CACNA1E: variants seen among roughly 807,000 people sequenced by gnomAD.
CACNA1E encodes calcium voltage-gated channel subunit alpha1 E.
A neutral mutation model predicts 259.2 loss-of-function variants in CACNA1E; 40 were observed. That is an observed-to-expected ratio of 0.15 (90% CI 0.12 to 0.20). The LOEUF (loss-of-function observed/expected upper bound fraction) is 0.20. Among genes scored for constraint, CACNA1E ranks in the 10% least tolerant of loss-of-function variants. CACNA1E has a pLI of 1.00. For synonymous variants in CACNA1E, 1,104 were observed against 1,138.5 expected (o/e 0.97, Z 0.61); for missense variants, 1,874 against 3,040.1 (o/e 0.62, Z 9.02).
At chr1:181,521,782 T>C (rs757201722) in intron 3 of CACNA1E, among the ~76,000 whole-genome samples, 11 of 152,132 alleles carry the variant, frequency 7.2e-5, no homozygotes, top group Non-Finnish European at 1.0e-4. Flanking sequence ...GAGTTATACT[T>C]AGCTAGGATG....
Position 181,758,811 on chromosome 1 carries a change from C to T in CACNA1E, c.4548C>T (p.Ala1516=), listed in dbSNP as rs201602244. 3.2e-3 allele frequency: 5,203 copies of T among 1,613,302 alleles called. 77 individuals carry two copies. The highest frequency in any genetic ancestry group is 0.029 in the South Asian group (2,594 of 90,986). Reference sequence around the variant, plus strand: ...TGGCCCTGAAGTACCTGAATATCGCCTTCACCATGGTGTTTTCCCTGGAAT... The same window carrying T: ...TGGCCCTGAAGTACCTGAATATCGCTTTCACCATGGTGTTTTCCCTGGAAT... ...YELALKYLNI[A]FTMVFSLECV... Residue 1516 remains alanine (A), a synonymous_variant, in exon 32 of 48, where the codon GCC becomes GCT. Coordinates refer to ENST00000367573, the MANE Select transcript of CACNA1E (RefSeq NM_001205293.3). This position sits in a 1 kb window ranked among gnomAD's most constrained non-coding sequence, Gnocchi z 4.2.
At chr1:181,347,435 A>G (rs572026296) in intron 1 of CACNA1E, among the ~76,000 whole-genome samples, 2 of 152,090 alleles carry the variant, frequency 1.3e-5, no homozygotes, top group Non-Finnish European at 2.9e-5. Flanking sequence ...GTTTTTGTCT[A>G]TGAATCAATG....
rs993262331 is a variant in CACNA1E at position 181,758,233 on chromosome 1, C to A, written c.4494+122C>A. On this transcript the variant is annotated intron_variant, in intron 31 of 47. Transcript: ENST00000367573. The surrounding 1 kb of genome is among the most constrained non-coding windows in gnomAD (Gnocchi z 4.2). The stretch of plus-strand genomic sequence containing the variant: ...TTTACCTACTTTTCCATCATTGAAT[C>A]CTTTTGTGATCTTATTTTGTTCAAT... 8 of 920,384 alleles carry A rather than the reference C, an allele frequency of 8.7e-6. No homozygotes were observed. Among genetic ancestry groups the A allele is most frequent in the Non-Finnish European group, 1.3e-5 (8 of 609,052 alleles). 57.0% of individuals were successfully genotyped at this position (920,384 alleles called of 1,614,324 possible). A position where few individuals can be genotyped will look rare whatever the true frequency, so the allele number is the denominator to read the frequency against.
At chr1:181,403,058 G>A (rs1340258362) in intron 1 of CACNA1E, among the ~76,000 whole-genome samples, 1 of 152,188 alleles carries the variant, frequency 6.6e-6, no homozygotes, top group Non-Finnish European at 1.5e-5. Context: ...GCATGGTGCA[G>A]TAGATGGTGG....
Position 181,807,122 on chromosome 1 carries a change from C to CA in CACNA1E, c.*8289dup, listed in dbSNP as rs1408092116. ...GGCCTGGATGACAGAGTGAAACCCT[C>CA]ATCTCTTAAAAAAAAAAAAAAGGAA... On this transcript the variant is annotated 3_prime_UTR_variant, in exon 48 of 48. Transcript: ENST00000367573. 1 of 139,018 alleles carries CA rather than the reference C, an allele frequency of 7.2e-6. No individual in the cohort carries two copies. Among genetic ancestry groups the CA allele is most frequent in the Non-Finnish European group, 1.6e-5 (1 of 62,666 alleles). 8.6% of individuals were successfully genotyped at this position (139,018 alleles called of 1,614,324 possible).
At chr1:181,520,360 A>G (rs528311258) in intron 3 of CACNA1E, among the ~76,000 whole-genome samples, 1 of 152,324 alleles carries the variant, frequency 6.6e-6, no homozygotes, top group South Asian at 2.1e-4. Flanking sequence ...AAAGCAAAAT[A>G]CCAAATCAGT....
intron 2 of CACNA1E, among the ~76,000 whole-genome samples, chr1:181,471,645 A>G (rs1662519316): frequency 6.6e-6 from 1 of 152,230 alleles, no homozygotes; most frequent in African/African-American, 2.4e-5. Context: ...GAAGAAAATT[A>G]TAACCTAACA....
intron 3 of CACNA1E, 147 bp from the exon 4 acceptor site, chr1:181,577,619 T>G: frequency 1.9e-6 from 1 of 522,942 alleles, no homozygotes; most frequent in Non-Finnish European, 3.4e-6. Context: ...CCACTGGTGA[T>G]TCACCCAAGC....
At chr1:181,620,207 T>C (rs920108282) in intron 6 of CACNA1E, among the ~76,000 whole-genome samples, 1 of 152,082 alleles carries the variant, frequency 6.6e-6, no homozygotes, top group African/African-American at 2.4e-5. Context: ...ATGTGTTAAC[T>C]CTACAGGTGA....
At chr1:181,794,063 T>A (rs925700286) in intron 45 of CACNA1E, among the ~76,000 whole-genome samples, 11 of 152,140 alleles carry the variant, frequency 7.2e-5, no homozygotes, top group Admixed American at 2.0e-4. Context: ...ATGCAAGAAA[T>A]ATTTTCCAGG....
chr1:181,718,651 C>G (rs1320929598), intron 12 of CACNA1E, among the ~76,000 whole-genome samples: 1 of 151,056 alleles, frequency 6.6e-6, no homozygotes, highest in Non-Finnish European at 1.5e-5. Context: ...CACACACACA[C>G]ACACACACAC....
At chr1:181,568,786 G>T (rs567613738) in intron 3 of CACNA1E, among the ~76,000 whole-genome samples, 1 of 152,104 alleles carries the variant, frequency 6.6e-6, no homozygotes, top group African/African-American at 2.4e-5. Context: ...ATAGAGATTC[G>T]TAGAGATAGG....
At chr1:181,769,261 A>G (rs1659284244) in intron 35 of CACNA1E, among the ~76,000 whole-genome samples, 2 of 151,254 alleles carry the variant, frequency 1.3e-5, no homozygotes, top group African/African-American at 4.9e-5. Context: ...CTCTCATGAG[A>G]TTTTTCTATG....
At chr1:181,649,798 A>T (rs1180887716) in intron 6 of CACNA1E, among the ~76,000 whole-genome samples, 1 of 152,208 alleles carries the variant, frequency 6.6e-6, no homozygotes, top group African/African-American at 2.4e-5. Context: ...TGGGGGATAA[A>T]TGATGAGAAC....
intron 1 of CACNA1E, among the ~76,000 whole-genome samples, chr1:181,325,837 A>G (rs957489372): frequency 1.3e-5 from 2 of 151,986 alleles, no homozygotes; most frequent in Non-Finnish European, 2.9e-5. Flanking sequence ...TTCCTCTCGG[A>G]ACTCCTCCCT....
rs575547532 is a variant in CACNA1E, at chr1:181,785,396, A to G, written c.5657A>G (p.Gln1886Arg). ...TATAAGCAGAGTAAGGTGAAGAAGC[A>G]GAGGCAGCAGCTGGAGGAACAGGTG... ...DYYKQSKVKKQRQQLEEQKNA... is the reference protein window; with the variant it reads ...DYYKQSKVKKRRQQLEEQKNA... Residue 1886 changes from glutamine (Q) to arginine (R), a missense_variant, in exon 42 of 48, where the codon CAG (glutamine) becomes CGG (arginine). Around this residue, in one of 14 missense-constraint regions of CACNA1E, gnomAD observed 542 missense variants for 587.2 expected, o/e 0.92. Coordinates refer to ENST00000367573, the MANE Select transcript of CACNA1E (RefSeq NM_001205293.3). 1.2e-6 allele frequency: 2 copies of G among 1,612,010 alleles called. No homozygotes were observed. The highest frequency in any genetic ancestry group is 4.5e-5 in the East Asian group (2 of 44,878).
At chr1:181,693,128 C>CAAAAAAAAA (rs61662957) in intron 7 of CACNA1E, among the ~76,000 whole-genome samples, 18 of 97,848 alleles carry the variant, frequency 1.8e-4, no homozygotes, top group African/African-American at 2.8e-4. Context: ...CTATCTAAAG[C>CAAAAAAAAA]AAAAAAAAAA....
intron 35 of CACNA1E, among the ~76,000 whole-genome samples, chr1:181,769,584 C>T (rs1406743598): frequency 2.0e-5 from 3 of 148,098 alleles, no homozygotes; most frequent in Admixed American, 6.8e-5. Flanking sequence ...CTTGACTTGA[C>T]TTAAATTATC....
intron 6 of CACNA1E, among the ~76,000 whole-genome samples, chr1:181,587,652 G>A (rs886615145): frequency 1.3e-5 from 2 of 152,154 alleles, no homozygotes; most frequent in Non-Finnish European, 2.9e-5. Flanking sequence ...GGGAGGCCGA[G>A]GCGGGCGGAT....
Sources: gnomAD v4.1 joint callset for allele counts (sites outside exome capture counted in the v4.1 genomes callset) on GRCh38, gnomAD v4.1.1 for gene constraint, gnomAD v4.1.1 regional missense constraint, Gnocchi (gnomAD v3.1) non-coding constraint, MANE v1.5 for transcripts, NCBI Gene and HGNC (gene_info 2026-07-23, HGNC 2026-07-21) for gene names.